The following TNIK variants were observed in gnomAD, a reference collection of about 807,000 sequenced individuals.
The protein encoded by TNIK is TRAF2 and NCK interacting kinase.
Under a neutral mutation model 191.3 loss-of-function variants are expected in TNIK, and 49 were observed. That is an observed-to-expected ratio of 0.26 (90% CI 0.20 to 0.32). The LOEUF (loss-of-function observed/expected upper bound fraction) is 0.32, where lower values mean the gene tolerates loss of function less well. Among genes scored for constraint, TNIK ranks in the 10% least tolerant of loss-of-function variants. The pLI, the probability that TNIK is intolerant of heterozygous loss-of-function variation, is 1.00. For missense variants in TNIK, 1,155 were observed against 1,702.3 expected (o/e 0.68, Z 5.66); for synonymous variants, 594 against 600.9 (o/e 0.99, Z 0.17).
intron 2 of TNIK, among the ~76,000 whole-genome samples, chr3:171,368,060 T>C (rs1715988702): frequency 6.6e-6 from 1 of 152,220 alleles, no homozygotes; most frequent in Non-Finnish European, 1.5e-5. Flanking sequence ...TTTCCTTGCC[T>C]TTTTCAAATA....
At chr3:171,235,890 G>T (rs930870364) in intron 2 of TNIK, among the ~76,000 whole-genome samples, 9 of 152,012 alleles carry the variant, frequency 5.9e-5, no homozygotes, top group African/African-American at 1.9e-4. Context: ...CACAAAAAAG[G>T]TTCTTGATGC....
At chr3:171,143,162 G>A (rs567494651) in intron 12 of TNIK, among the ~76,000 whole-genome samples, 7 of 152,308 alleles carry the variant, frequency 4.6e-5, no homozygotes, top group African/African-American at 1.7e-4. Context: ...ATCTGCCAGG[G>A]CTTTGGTTCC....
chr3:171,330,323 C>T (rs1756270568), intron 2 of TNIK, among the ~76,000 whole-genome samples: 2 of 152,158 alleles, frequency 1.3e-5, no homozygotes, highest in South Asian at 4.1e-4. Flanking sequence ...ATTGTCTTTT[C>T]TTTCATGGAC....
At chr3:171,264,619 C>T (rs755792884) in intron 2 of TNIK, among the ~76,000 whole-genome samples, 1 of 152,156 alleles carries the variant, frequency 6.6e-6, no homozygotes, top group Non-Finnish European at 1.5e-5. Context: ...TCTGCAGGTG[C>T]TTTCTAAGGC....
chr3:171,225,487 A>C (rs1159942317), intron 3 of TNIK: 2 of 449,938 alleles, frequency 4.4e-6, no homozygotes, highest in African/African-American at 4.0e-5. Context: ...TAAAGCATCC[A>C]CTCTATGTAA....
intron 2 of TNIK, among the ~76,000 whole-genome samples, chr3:171,280,995 C>T (rs879921742): frequency 6.6e-6 from 1 of 152,162 alleles, no homozygotes; most frequent in African/African-American, 2.4e-5. Flanking sequence ...TAAACAGTCT[C>T]AGCTACACTT....
chr3:171,211,140 T>G lies in TNIK; in HGVS notation c.282A>C (p.Pro94=), dbSNP rs373014252. Reference sequence around the variant, plus strand: ...CCCAAAGTTGGTCATCCATGCCTGGTGGGTTCTTTTTGATAAAAGCACCAT... The same window carrying G: ...CCCAAAGTTGGTCATCCATGCCTGGGGGGTTCTTTTTGATAAAAGCACCAT... The part of the protein sequence containing the change: ...TYYGAFIKKN[P]PGMDDQLWLV... The change falls in exon 4 of 33, where the codon CCA becomes CCC. Residue 94 remains proline (P), a synonymous_variant. Transcript: ENST00000436636. 139 of 1,612,996 alleles carry G rather than the reference T, an allele frequency of 8.6e-5. 2 individuals carry two copies. In the South Asian group the frequency reaches 1.3e-3, roughly 15 times the overall value.
In TNIK at chr3:171,346,531, G is replaced by C. The variant is rs1416573803; in HGVS notation, c.123+23089C>G. Among the ~76,000 whole-genome samples the C allele has an allele frequency of 2.6e-5, 4 of 152,146 alleles. No individual in the cohort carries two copies. In the East Asian group the frequency reaches 7.7e-4, roughly 29 times the overall value. On this transcript the variant is annotated intron_variant, in intron 2 of 32. Transcript: ENST00000436636. ...ATACTGTGGTAAGCAAAGTAGACAA[G>C]TCTCTGGCCTCATGGAGCTTATAGT...
At chr3:171,070,615 A>T (rs1719065476) in intron 29 of TNIK, among the ~76,000 whole-genome samples, 1 of 152,114 alleles carries the variant, frequency 6.6e-6, no homozygotes, top group Non-Finnish European at 1.5e-5. Flanking sequence ...GGTCAACAGG[A>T]CTAGCATATC....
intron 1 of TNIK, among the ~76,000 whole-genome samples, chr3:171,370,663 G>A (rs191477046): frequency 6.6e-5 from 10 of 152,276 alleles, no homozygotes; most frequent in East Asian, 3.9e-4. Context: ...TGGGCAACCC[G>A]AGCCTCCTTG....
At chr3:171,076,898 C>T (rs1720029953) in intron 28 of TNIK, among the ~76,000 whole-genome samples, 2 of 141,246 alleles carry the variant, frequency 1.4e-5, no homozygotes. Flanking sequence ...CACATCATTT[C>T]CTTCTCTCTC....
At chr3:171,224,726 C>A (rs900262777) in intron 3 of TNIK, among the ~76,000 whole-genome samples, 6 of 152,238 alleles carry the variant, frequency 3.9e-5, no homozygotes, top group Non-Finnish European at 5.9e-5. Flanking sequence ...CTGGGAGGGT[C>A]CAGCTCCTCC....
chr3:171,249,706 T>C (rs139145025), intron 2 of TNIK, among the ~76,000 whole-genome samples: 154 of 152,286 alleles, frequency 1.0e-3, no homozygotes, highest in African/African-American at 3.5e-3. Flanking sequence ...GTACGATATA[T>C]ATTAAGTGAG....
At chr3:171,423,514 C>T (rs920777388) in intron 1 of TNIK, among the ~76,000 whole-genome samples, 4 of 152,020 alleles carry the variant, frequency 2.6e-5, no homozygotes, top group Admixed American at 1.3e-4. Context: ...AAAAAGAGCC[C>T]GCATTGCCAA....
At chr3:171,316,321 T>C (rs185583486) in intron 2 of TNIK, among the ~76,000 whole-genome samples, 1 of 152,096 alleles carries the variant, frequency 6.6e-6, no homozygotes, top group African/African-American at 2.4e-5. Flanking sequence ...ATACAGGCAA[T>C]AAAGGTACAC....
At chr3:171,452,922 G>A (rs1728360274) in intron 1 of TNIK, among the ~76,000 whole-genome samples, 1 of 151,964 alleles carries the variant, frequency 6.6e-6, no homozygotes, top group East Asian at 1.9e-4. Context: ...TGGTGCCCCC[G>A]GAATTGTACT....
intron 12 of TNIK, among the ~76,000 whole-genome samples, chr3:171,143,244 G>T (rs1171616843): frequency 6.6e-6 from 1 of 152,156 alleles, no homozygotes; most frequent in Admixed American, 6.5e-5. Flanking sequence ...CAGCTGCTGT[G>T]TCTCAATGTT....
At chr3:171,117,618 CT>C (rs1272884276) in intron 18 of TNIK, among the ~76,000 whole-genome samples, 1 of 152,178 alleles carries the variant, frequency 6.6e-6, no homozygotes, top group East Asian at 1.9e-4. Context: ...CCCAATAACA[CT>C]TTTTTGACCA....
intron 2 of TNIK, among the ~76,000 whole-genome samples, chr3:171,316,057 C>A (rs979599156): frequency 3.9e-5 from 6 of 151,998 alleles, no homozygotes; most frequent in African/African-American, 1.5e-4. Flanking sequence ...GAGACAGAGA[C>A]CCATAAATCT....
Sources: allele counts gnomAD v4.1 joint callset (sites outside exome capture counted in the v4.1 genomes callset), GRCh38; gene constraint gnomAD v4.1.1; transcripts MANE v1.5; gene names NCBI Gene and HGNC (gene_info 2026-07-23, HGNC 2026-07-21).